The following DPH6 variants were observed in gnomAD, a reference collection of about 807,000 sequenced individuals.
DPH6 encodes the protein diphthamine biosynthesis 6.
DPH6 carries 33 observed loss-of-function variants against 38.2 expected under a neutral mutation model. That is an observed-to-expected ratio of 0.86 (90% CI 0.65 to 1.15). The LOEUF is 1.15. DPH6 is among the 50% of genes most tolerant of loss of function. DPH6 has a pLI of 0.00. For missense variants in DPH6, 325 were observed against 320.0 expected, an observed-to-expected ratio of 1.02 and a Z score of -0.12; for synonymous variants, 108 against 103.0, an observed-to-expected ratio of 1.05 and a Z score of -0.30.
At chr15:35,404,970 A>G (rs1184946109) in intron 6 of DPH6, among the ~76,000 whole-genome samples, 1 of 152,082 alleles carries the variant, frequency 6.6e-6, no homozygotes, top group African/African-American at 2.4e-5. Flanking sequence ...TACATAATTT[A>G]TTGAAGAGAT....
chr15:35,200,395 A>G, the DPH6 span, among the ~76,000 whole-genome samples: 5 of 152,298 alleles, frequency 3.3e-5, no homozygotes, highest in East Asian at 7.7e-4. Context: ...ATTGGTCTAC[A>G]TTAGATACTA....
chr15:35,525,776 G>A (rs1297435059), intron 3 of DPH6, among the ~76,000 whole-genome samples: 2 of 151,942 alleles, frequency 1.3e-5, no homozygotes, highest in Non-Finnish European at 2.9e-5. Flanking sequence ...GGAGTTCAAG[G>A]GTGCAGTGAG....
intron 3 of DPH6, among the ~76,000 whole-genome samples, chr15:35,252,022 C>T (rs2051678544): frequency 6.6e-6 from 1 of 152,150 alleles, no homozygotes; most frequent in African/African-American, 2.4e-5. Flanking sequence ...GGCCTGTAAT[C>T]CCAGCTACTG....
intron 5 of DPH6, among the ~76,000 whole-genome samples, chr15:35,417,572 T>A (rs559527694): frequency 3.3e-5 from 5 of 152,002 alleles, no homozygotes; most frequent in Non-Finnish European, 7.4e-5. Flanking sequence ...CATCACAACA[T>A]CTCTATTTAC....
chr15:35,170,580 A>C, the DPH6 span, among the ~76,000 whole-genome samples: 1 of 152,202 alleles, frequency 6.6e-6, no homozygotes, highest in South Asian at 2.1e-4. Flanking sequence ...CACTACAAAT[A>C]GGTACAAACC....
chr15:35,410,169 G>A (rs1042064569), intron 6 of DPH6, among the ~76,000 whole-genome samples: 9 of 151,676 alleles, frequency 5.9e-5, no homozygotes, highest in African/African-American at 2.2e-4. Flanking sequence ...TTCTTTCATA[G>A]GAGATTTTCT....
At chr15:35,507,401 G>C (rs1452144499) in intron 3 of DPH6, among the ~76,000 whole-genome samples, 1 of 151,960 alleles carries the variant, frequency 6.6e-6, no homozygotes, top group African/African-American at 2.4e-5. Context: ...ATGAAAATTT[G>C]AATGAGCATA....
At chr15:35,293,336 C>T (rs960277823) in intron 3 of DPH6, among the ~76,000 whole-genome samples, 13 of 152,140 alleles carry the variant, frequency 8.5e-5, no homozygotes, top group Admixed American at 6.5e-5. Context: ...GGACCTAAAC[C>T]GGAACTATTT....
intron 3 of DPH6, among the ~76,000 whole-genome samples, chr15:35,286,490 T>C (rs1290544525): frequency 6.6e-6 from 1 of 152,208 alleles, no homozygotes; most frequent in Non-Finnish European, 1.5e-5. Context: ...GGACACAGAA[T>C]AGGCAACATA....
chr15:35,410,755 T>A (rs1302861593), intron 6 of DPH6, 80 bp downstream of exon 6: 1 of 1,212,308 alleles, frequency 8.2e-7, no homozygotes, highest in Non-Finnish European at 1.1e-6. Context: ...ATAAAGTAAA[T>A]TTTTTAATCA....
chr15:35,159,527 GA>G, the DPH6 span, among the ~76,000 whole-genome samples: 1 of 151,546 alleles, frequency 6.6e-6, no homozygotes, highest in Non-Finnish European at 1.5e-5. Context: ...ACAGCAGTCA[GA>G]ATAGCTTCTA....
At chr15:35,256,675 C>T (rs2051710342) in intron 3 of DPH6, among the ~76,000 whole-genome samples, 1 of 152,096 alleles carries the variant, frequency 6.6e-6, no homozygotes, top group Admixed American at 6.6e-5. Context: ...GGGATTTAGC[C>T]ATGTCTGGGC....
chr15:35,248,094 A>G (rs1004953323), intron 3 of DPH6, among the ~76,000 whole-genome samples: 2 of 152,182 alleles, frequency 1.3e-5, no homozygotes, highest in Non-Finnish European at 2.9e-5. Flanking sequence ...AACTAACTAA[A>G]AGTATACGCT....
intron 3 of DPH6, among the ~76,000 whole-genome samples, chr15:35,336,740 G>A (rs928806689): frequency 2.0e-5 from 3 of 152,112 alleles, no homozygotes; most frequent in African/African-American, 7.2e-5. Context: ...TTATATGCTG[G>A]ATTACATTTA....
chr15:35,358,785 T>C (rs2052589685), intron 3 of DPH6, among the ~76,000 whole-genome samples: 1 of 152,002 alleles, frequency 6.6e-6, no homozygotes, highest in Non-Finnish European at 1.5e-5. Context: ...CTGGTGGAGG[T>C]GGCGGGGGAT....
In DPH6 at chr15:35,239,283, C is replaced by T. The variant is rs180712090; in HGVS notation, n.201-18701G>A. On this transcript the variant is annotated intron_variant and non_coding_transcript_variant, in intron 3 of 3. Transcript: ENST00000560386. ...AACCTCTTTCTCCTTTCAATCTTGGCGCTACACTTCAATCACTCCCTTCTC... is the reference window on the plus strand; with the variant it reads ...AACCTCTTTCTCCTTTCAATCTTGGTGCTACACTTCAATCACTCCCTTCTC... Among the ~76,000 whole-genome samples, 1,222 of 143,620 alleles carry T rather than the reference C, an allele frequency of 8.5e-3. 162 individuals are homozygous for T. The highest frequency in any genetic ancestry group is 0.015 in the Non-Finnish European group (954 of 65,358). The allele number at this position is 143,620 out of a possible 152,430, so 94.2% of individuals were successfully genotyped here.
chr15:35,456,566 C>T (rs2054000168), intron 3 of DPH6, among the ~76,000 whole-genome samples: 2 of 151,418 alleles, frequency 1.3e-5, no homozygotes, highest in African/African-American at 2.4e-5. Context: ...CAGCTCACTG[C>T]AACCTCCGCC....
intron 3 of DPH6, among the ~76,000 whole-genome samples, chr15:35,358,035 G>A (rs1595498708): frequency 1.3e-5 from 2 of 152,124 alleles, no homozygotes; most frequent in African/African-American, 4.8e-5. Context: ...CTTAGGTTTG[G>A]TTGTTTAATG....
intron 3 of DPH6, among the ~76,000 whole-genome samples, chr15:35,508,714 G>T (rs534423848): frequency 6.6e-6 from 1 of 152,002 alleles, no homozygotes; most frequent in Admixed American, 6.6e-5. Flanking sequence ...TTCAAATCAA[G>T]ATAAAATCGC....
Sources: allele counts gnomAD v4.1 joint callset (sites outside exome capture counted in the v4.1 genomes callset), GRCh38; gene constraint gnomAD v4.1.1; transcripts MANE v1.5; gene names NCBI Gene and HGNC (gene_info 2026-07-23, HGNC 2026-07-21).